ANO7: variants seen among roughly 807,000 people sequenced by gnomAD.
The protein encoded by ANO7 is anoctamin 7.
Under a neutral mutation model 115.8 loss-of-function variants are expected in ANO7, and 114 were observed. The ratio of observed to expected loss-of-function variants is 0.98; its 90% CI spans 0.85 to 1.15. ANO7 has a LOEUF of 1.15. Among genes scored for constraint, ANO7 ranks in the 50% most tolerant of loss-of-function variants. The pLI is 0.00. For synonymous variants in ANO7, 550 were observed against 498.2 expected (o/e 1.10, Z -1.38); for missense variants, 1,302 against 1,201.2 (o/e 1.08, Z -1.24).
chr2:241,192,476 G>A (rs2068229805), intron 3 of ANO7, among the ~76,000 whole-genome samples: 1 of 152,198 alleles, frequency 6.6e-6, no homozygotes, highest in Non-Finnish European at 1.5e-5. Flanking sequence ...CCTTCTCCCT[G>A]TGTCCTCACA....
chr2:241,196,838 CGTGTGT>C (rs60120827), intron 4 of ANO7, among the ~76,000 whole-genome samples: 5,460 of 146,890 alleles, frequency 0.037, 230 homozygotes, highest in African/African-American at 0.1. Context: ...TCAATTCATT[CGTGTGT>C]GTGTGTGTGT....
intron 1 of ANO7, among the ~76,000 whole-genome samples, chr2:241,189,034 G>A (rs551641518): frequency 1.3e-5 from 2 of 152,222 alleles, no homozygotes; most frequent in Non-Finnish European, 2.9e-5. Context: ...TCGTTGGGGT[G>A]GGGGGCATCC....
intron 3 of ANO7, among the ~76,000 whole-genome samples, chr2:241,192,317 C>T (rs1001128990): frequency 2.0e-5 from 3 of 152,264 alleles, no homozygotes; most frequent in South Asian, 2.1e-4. Context: ...AAGAGCAAAA[C>T]TCCATCTCCA....
At position 241,210,442 on chromosome 2, in the gene ANO7, G is replaced by A. The variant is rs374576169; in HGVS notation, c.1459-26G>A. On this transcript the variant is annotated intron_variant, in intron 14 of 24. Transcript: ENST00000674324. ...GGGGGCCCTGAGCGGCCCCTCATCC[G>A]GCTCTGACGGCCTGTCTCCCGTTAG... The A allele has an allele frequency of 9.3e-6, 15 of 1,613,730 alleles. No individual in the cohort carries two copies. In the Middle Eastern group the frequency reaches 4.9e-4, roughly 53 times the overall value.
rs2013250 is a variant in ANO7, at chr2:241,200,076, C to A, written c.418-13C>A. The A allele has an allele frequency of 1.2e-6, 2 of 1,609,606 alleles. No individual in the cohort carries two copies. Among genetic ancestry groups the A allele is most frequent in the East Asian group, 4.5e-5 (2 of 44,840 alleles). On this transcript the variant is annotated splice_polypyrimidine_tract_variant and intron_variant, in intron 5 of 24. Transcript: ENST00000674324. ...TCCCGGGAGTGGGAGGAGCCACTGACGTTTCCTTCCAGGAGTTACCCAACC... is the reference window on the plus strand; with the variant it reads ...TCCCGGGAGTGGGAGGAGCCACTGAAGTTTCCTTCCAGGAGTTACCCAACC...
At chr2:241,197,472 A>G (rs948804662) in intron 4 of ANO7, among the ~76,000 whole-genome samples, 2 of 151,870 alleles carry the variant, frequency 1.3e-5, no homozygotes, top group Non-Finnish European at 2.9e-5. Context: ...TGCAGCCTCA[A>G]TCTCCCGAGG....
At chr2:241,201,903 G>A (rs1442992290) in intron 7 of ANO7, among the ~76,000 whole-genome samples, 4 of 152,240 alleles carry the variant, frequency 2.6e-5, no homozygotes, top group African/African-American at 4.8e-5. Flanking sequence ...CGCACGGCCA[G>A]GCAGGGGCCC....
chr2:241,190,663 G>A (rs1335666871), intron 2 of ANO7, among the ~76,000 whole-genome samples: 1 of 152,226 alleles, frequency 6.6e-6, no homozygotes, highest in Non-Finnish European at 1.5e-5. Flanking sequence ...CCACACGTCT[G>A]CCCCAGCAGC....
At chr2:241,216,958 C>T (rs534118690) in intron 19 of ANO7, among the ~76,000 whole-genome samples, 3 of 152,344 alleles carry the variant, frequency 2.0e-5, no homozygotes, top group African/African-American at 7.2e-5. Context: ...CTCAGCCTCC[C>T]GAGTAGCTGG....
Position 241,201,286 on chromosome 2 carries a change from A to C in ANO7, c.555-12A>C. The C allele has an allele frequency of 5.0e-6, 8 of 1,599,718 alleles. No individual in the cohort carries two copies. The South Asian group carries it at 8.9e-5, about 18-fold the overall frequency. On this transcript the variant is annotated splice_polypyrimidine_tract_variant and intron_variant, in intron 6 of 24. Coordinates refer to ENST00000674324, the MANE Select transcript of ANO7 (RefSeq NM_001370694.2). ...TTCCTCCAAACCTTCTGCACTGTTC[A>C]CATGCCCACAGCTTCCTCGGGAGTG... is the stretch of plus-strand genomic sequence containing the variant.
intron 19 of ANO7, among the ~76,000 whole-genome samples, chr2:241,216,552 G>A (rs1160271970): frequency 6.6e-6 from 1 of 152,256 alleles, no homozygotes; most frequent in Non-Finnish European, 1.5e-5. Flanking sequence ...GGAAGAATTA[G>A]GAGAGCAGGC....
chr2:241,199,963 G>A lies in ANO7; in HGVS notation c.418-126G>A, dbSNP rs564396974. On this transcript the variant is annotated intron_variant, in intron 5 of 24. Coordinates refer to ENST00000674324, the MANE Select transcript of ANO7 (RefSeq NM_001370694.2). ...CCTGGGCCCTCACAGGGTCTACCAC[G>A]CTCCTTCCCTCTGCTGGAGCCCCTT... 790 of 1,144,324 alleles carry A rather than the reference G, an allele frequency of 6.9e-4. 6 individuals carry two copies. In the South Asian group the frequency reaches 0.011, roughly 15 times the overall value. The allele number at this position is 1,144,324 out of a possible 1,614,324, so 70.9% of individuals were successfully genotyped here.
At chr2:241,210,117 A>G (rs2068686366) in intron 13 of ANO7, among the ~76,000 whole-genome samples, 178 bp from the exon 14 acceptor site, 1 of 152,206 alleles carries the variant, frequency 6.6e-6, no homozygotes, top group Non-Finnish European at 1.5e-5. Context: ...CTGCCTGAGC[A>G]ACTCATCAGG....
the ANO7 span, chr2:241,231,147 G>A: frequency 1.9e-6 from 1 of 517,718 alleles, no homozygotes; most frequent in East Asian, 3.4e-5. Flanking sequence ...CACTTTGGGA[G>A]GCCGAGGCAG....
In ANO7 at chr2:241,224,082, CA is replaced by C; in HGVS notation, c.2584-13del. ...CCCTAGTCTGACTTGTCCCTGCCCC[CA>C]ACCCTCTCCCCAGCTCAGCTCCCAC... On this transcript the variant is annotated splice_polypyrimidine_tract_variant and intron_variant, in intron 24 of 24. Coordinates refer to ENST00000674324, the MANE Select transcript of ANO7 (RefSeq NM_001370694.2). The C allele has an allele frequency of 1.9e-6, 3 of 1,614,074 alleles. No homozygotes were observed. Among genetic ancestry groups the C allele is most frequent in the Non-Finnish European group, 2.5e-6 (3 of 1,179,980 alleles).
chr2:241,189,669 T>A (rs1294351218), intron 1 of ANO7, among the ~76,000 whole-genome samples: 2 of 152,042 alleles, frequency 1.3e-5, no homozygotes, highest in African/African-American at 2.4e-5. Context: ...CTCACATGGC[T>A]CCACCCTACG....
Position 241,199,355 on chromosome 2 carries a change from C to T in ANO7, c.349C>T (p.Leu117Phe), listed in dbSNP as rs1324548681. 1 of 1,613,694 alleles carries T rather than the reference C, an allele frequency of 6.2e-7. No homozygotes were observed. Among genetic ancestry groups the T allele is most frequent in the African/African-American group, 1.3e-5 (1 of 74,950 alleles). The change falls in exon 5 of 25, where the codon CTC becomes TTC. Residue 117 changes from leucine (L) to phenylalanine (F), a missense_variant. Physicochemically the swap from Leu to Phe is conservative, Grantham distance 22 (BLOSUM62 0). Transcript: ENST00000674324. ...CGGGAACACCACAGTGCACTACGCC[C>T]TCCTCAGCGCCTCCTGGGCTGTGCT... is the stretch of plus-strand genomic sequence containing the variant. The part of the protein sequence containing the change: ...QDGNTTVHYA[L>F]LSASWAVLCY...
At chr2:241,236,832 G>T in the ANO7 span, 2 of 1,552,424 alleles carry the variant, frequency 1.3e-6, no homozygotes, top group Non-Finnish European at 1.8e-6. Flanking sequence ...ACCTTGTTCA[G>T]AATGCATATG....
Position 241,203,506 on chromosome 2 carries a change from C to T in ANO7, c.889+8C>T, listed in dbSNP as rs77640154. 32,840 of 1,456,238 alleles carry T rather than the reference C, an allele frequency of 0.023. 2,208 individuals are homozygous for T. The highest frequency in any genetic ancestry group is 0.22 in the East Asian group (8,044 of 36,454). The allele number at this position is 1,456,238 out of a possible 1,614,324, so 90.2% of individuals were successfully genotyped here. A position where few individuals can be genotyped will look rare whatever the true frequency, so the allele number is the denominator to read the frequency against. The stretch of plus-strand genomic sequence containing the variant: ...TCTACTTCGCCTGGCTCGGTGAGTC[C>T]CCCCCGCTGCCCCCCAGACCACCTG... On this transcript the variant is annotated splice_region_variant and intron_variant, in intron 9 of 24. Transcript: ENST00000674324. The surrounding 1 kb of genome is among the most constrained non-coding windows in gnomAD (Gnocchi z 4.8).
Sources: allele counts gnomAD v4.1 joint callset (sites outside exome capture counted in the v4.1 genomes callset), GRCh38; gene constraint gnomAD v4.1.1; non-coding constraint Gnocchi (gnomAD v3.1); transcripts MANE v1.5; gene names NCBI Gene and HGNC (gene_info 2026-07-23, HGNC 2026-07-21).